NIBAN1: variants seen among roughly 807,000 people sequenced by gnomAD.
NIBAN1 encodes the protein protein Niban 1.
NIBAN1 carries 81 observed loss-of-function variants against 75.1 expected under a neutral mutation model. That is an observed-to-expected ratio of 1.08 (90% CI 0.90 to 1.30). The LOEUF is 1.30. NIBAN1 is among the 50% of genes most tolerant of loss of function. The pLI, the probability that NIBAN1 is intolerant of heterozygous loss-of-function variation, is 0.00. For missense variants in NIBAN1, 1,133 were observed against 1,128.1 expected (o/e 1.00, Z -0.06); for synonymous variants, 436 against 424.8 (o/e 1.03, Z -0.32).
intron 5 of NIBAN1, among the ~76,000 whole-genome samples, chr1:184,863,586 C>T (rs1037888826): frequency 1.3e-5 from 2 of 152,096 alleles, no homozygotes; most frequent in African/African-American, 2.4e-5. Flanking sequence ...ACACTTTTAC[C>T]TTCTGGAGCA....
intron 1 of NIBAN1, among the ~76,000 whole-genome samples, chr1:184,942,581 C>G (rs1658118208): frequency 6.6e-6 from 1 of 151,484 alleles, no homozygotes; most frequent in African/African-American, 2.4e-5. Flanking sequence ...GTAGTCCCAG[C>G]TACTTGGGAG....
intron 1 of NIBAN1, among the ~76,000 whole-genome samples, chr1:184,960,194 A>T (rs370955164): frequency 1.3e-5 from 2 of 152,224 alleles, no homozygotes; most frequent in Admixed American, 1.3e-4. Flanking sequence ...AATTAAATTA[A>T]TAACAATAAT....
At chr1:184,827,218 C>T (rs908457472) in intron 6 of NIBAN1, among the ~76,000 whole-genome samples, 11 of 151,900 alleles carry the variant, frequency 7.2e-5, no homozygotes, top group Non-Finnish European at 1.3e-4. Flanking sequence ...AGCATGAAAA[C>T]GGACTAATAC....
At chr1:184,905,980 G>C (rs1314328908) in intron 1 of NIBAN1, among the ~76,000 whole-genome samples, 1 of 152,082 alleles carries the variant, frequency 6.6e-6, no homozygotes, top group African/African-American at 2.4e-5. Context: ...GCTCATGCCT[G>C]TAATCCCAGC....
rs991253374 is a variant in NIBAN1 at position 184,818,488 on chromosome 1, C to G, written c.1173+150G>C. The G allele has an allele frequency of 1.1e-5, 8 of 727,546 alleles. No homozygotes were observed. In the East Asian group the frequency reaches 2.1e-4, roughly 19 times the overall value. 45.1% of individuals were successfully genotyped at this position (727,546 alleles called of 1,614,324 possible). ...CAGATGAATGGTGGGTCTGAATGAA[C>G]GGAAGAAAGGCTGGATGAATGGAGG... On this transcript the variant is annotated intron_variant, in intron 9 of 13. Transcript: ENST00000367511.
intron 1 of NIBAN1, among the ~76,000 whole-genome samples, chr1:184,951,617 AC>A (rs1658360109): frequency 6.6e-6 from 1 of 151,474 alleles, no homozygotes; most frequent in African/African-American, 2.4e-5. Flanking sequence ...ACCTCCAGCT[AC>A]CCCCTAGTCC....
intron 5 of NIBAN1, among the ~76,000 whole-genome samples, chr1:184,869,656 C>T (rs1032178836): frequency 6.6e-6 from 1 of 152,056 alleles, no homozygotes; most frequent in Non-Finnish European, 1.5e-5. Context: ...ATTCTCCTGC[C>T]TCAGCCTCCT....
chr1:184,883,018 A>G (rs1656416942), intron 5 of NIBAN1, among the ~76,000 whole-genome samples: 1 of 152,288 alleles, frequency 6.6e-6, no homozygotes, highest in East Asian at 1.9e-4. Flanking sequence ...GACTGACCTT[A>G]TCTTTTTCCG....
At chr1:184,894,003 G>T (rs573931813) in intron 3 of NIBAN1, 72 bp downstream of exon 3, 1 of 1,468,686 alleles carries the variant, frequency 6.8e-7, no homozygotes, top group Admixed American at 2.3e-5. Flanking sequence ...AGGAAGGAGA[G>T]GGCACACCAA....
intron 10 of NIBAN1, among the ~76,000 whole-genome samples, chr1:184,807,317 T>C (rs1654228546): frequency 1.6e-5 from 2 of 125,074 alleles, no homozygotes; most frequent in Admixed American, 7.5e-5. Context: ...AAAGGTTCCT[T>C]ATGAAAAAAA....
chr1:184,869,215 G>A (rs191576268), intron 5 of NIBAN1, among the ~76,000 whole-genome samples: 178 of 152,212 alleles, frequency 1.2e-3, no homozygotes, highest in Admixed American at 3.9e-3. Flanking sequence ...CAGAAGAAGG[G>A]GATAAAAGTA....
chr1:184,812,120 G>A (rs533644336), intron 9 of NIBAN1, among the ~76,000 whole-genome samples: 54 of 152,102 alleles, frequency 3.6e-4, no homozygotes, highest in Admixed American at 1.9e-3. Context: ...TTCACCTTAT[G>A]CACCCTCCCA....
intron 2 of NIBAN1, among the ~76,000 whole-genome samples, chr1:184,894,500 G>A (rs1656749339): frequency 6.6e-6 from 1 of 152,222 alleles, no homozygotes; most frequent in South Asian, 2.1e-4. Context: ...TGCCTTGCAT[G>A]CATGTGGCAC....
chr1:184,872,047 A>G (rs189757888), intron 5 of NIBAN1, among the ~76,000 whole-genome samples: 2 of 152,284 alleles, frequency 1.3e-5, no homozygotes, highest in Admixed American at 1.3e-4. Flanking sequence ...TCACAAAATA[A>G]GCAAGTTAAT....
At position 184,853,071 on chromosome 1, in the gene NIBAN1, A is replaced by T. The variant is rs539996321; in HGVS notation, c.602-21109T>A. On this transcript the variant is annotated intron_variant, in intron 5 of 13. Coordinates refer to ENST00000367511, the MANE Select transcript of NIBAN1 (RefSeq NM_052966.4). The stretch of plus-strand genomic sequence containing the variant: ...ATTCAAATTTGCCATTTCATGGTCA[A>T]TGAAAAGATTATAGCAAAACTATGA... Among the ~76,000 whole-genome samples, 14 of 152,388 alleles carry T rather than the reference A, an allele frequency of 9.2e-5. No individual in the cohort carries two copies. The East Asian group carries it at 2.1e-3, about 23-fold the overall frequency.
intron 1 of NIBAN1, among the ~76,000 whole-genome samples, chr1:184,948,727 G>A (rs950860215): frequency 6.6e-6 from 1 of 151,996 alleles, no homozygotes; most frequent in Admixed American, 6.6e-5. Flanking sequence ...TAATGATAAG[G>A]GAAATGTTTA....
At position 184,837,706 on chromosome 1, in the gene NIBAN1, A is replaced by T. The variant is rs180943111; in HGVS notation, c.602-5744T>A. Among the ~76,000 whole-genome samples the T allele has an allele frequency of 7.8e-4, 119 of 152,148 alleles. 1 individual carries two copies. The highest frequency in any genetic ancestry group is 2.7e-3 in the African/African-American group (114 of 41,502). ...TTTAATGAAAATAGTTCTTTCCATC[A>T]CTGAACTGCTCCAAATTTTCCTTCT... On this transcript the variant is annotated intron_variant, in intron 5 of 13. Coordinates refer to ENST00000367511, the MANE Select transcript of NIBAN1 (RefSeq NM_052966.4).
At chr1:184,961,673 G>A (rs1426896878) in intron 1 of NIBAN1, among the ~76,000 whole-genome samples, 1 of 152,178 alleles carries the variant, frequency 6.6e-6, no homozygotes, top group Non-Finnish European at 1.5e-5. Flanking sequence ...CAGTTCAGGG[G>A]TGAATCTTGA....
In NIBAN1 at chr1:184,803,600, C is replaced by A; in HGVS notation, c.1539G>T (p.Ala513=). The change falls in exon 12 of 14, where the codon GCG becomes GCT. Residue 513 remains alanine, a synonymous_variant. Coordinates refer to ENST00000367511, the MANE Select transcript of NIBAN1 (RefSeq NM_052966.4). The part of the protein sequence containing the change: ...ITLPTVQKAL[A]STCKPELQKY... ...ATCCCCTTACTGGTTTGCATGTGGA[C>A]GCCAGTGCCTTCTGCACAGTGGGAA... 6.2e-7 allele frequency: 1 copy of A among 1,613,930 alleles called. No homozygotes were observed. The highest frequency in any genetic ancestry group is 8.5e-7 in the Non-Finnish European group (1 of 1,179,838).
Sources: allele counts gnomAD v4.1 joint callset (sites outside exome capture counted in the v4.1 genomes callset), GRCh38; gene constraint gnomAD v4.1.1; transcripts MANE v1.5; gene names NCBI Gene and HGNC (gene_info 2026-07-23, HGNC 2026-07-21).